Variants in XYLT1 observed in about 807,000 individuals in gnomAD.
XYLT1 encodes the protein xylosyltransferase 1.
In XYLT1, 36 loss-of-function variants were observed where a neutral mutation model predicts 91.3. The ratio of observed to expected loss-of-function variants is 0.39; its 90% CI spans 0.30 to 0.52. The LOEUF (loss-of-function observed/expected upper bound fraction) is 0.52, where lower values mean the gene tolerates loss of function less well. Ranked by LOEUF, XYLT1 falls within the 20% of genes least tolerant of loss-of-function variation. XYLT1 has a pLI of 0.68. For missense variants in XYLT1, 1,242 were observed against 1,284.5 expected (o/e 0.97, Z 0.51); for synonymous variants, 588 against 532.0 (o/e 1.11, Z -1.45).
At chr16:17,204,307 T>G (rs2032599677) in intron 3 of XYLT1, among the ~76,000 whole-genome samples, 1 of 152,200 alleles carries the variant, frequency 6.6e-6, no homozygotes, top group Non-Finnish European at 1.5e-5. Context: ...GCTTTTCTTT[T>G]GGAGAAAGGG....
intron 2 of XYLT1, among the ~76,000 whole-genome samples, chr16:17,265,608 C>T (rs760854693): frequency 2.0e-5 from 3 of 152,156 alleles, no homozygotes; most frequent in African/African-American, 7.2e-5. Context: ...TAATTAAATG[C>T]AATAATGTCC....
intron 1 of XYLT1, among the ~76,000 whole-genome samples, chr16:17,456,577 G>A (rs1229955387): frequency 6.6e-6 from 1 of 152,146 alleles, no homozygotes; most frequent in Non-Finnish European, 1.5e-5. Flanking sequence ...CTGGGCTCCA[G>A]CGATCTTCCC....
chr16:17,302,945 A>G (rs1027833197), intron 2 of XYLT1, among the ~76,000 whole-genome samples: 1 of 152,016 alleles, frequency 6.6e-6, no homozygotes, highest in Non-Finnish European at 1.5e-5. Flanking sequence ...GTGAGCACAC[A>G]TGTGACCGTG....
chr16:17,363,226 T>A (rs2035406984), intron 1 of XYLT1, among the ~76,000 whole-genome samples: 1 of 152,200 alleles, frequency 6.6e-6, no homozygotes, highest in Admixed American at 6.5e-5. Context: ...GCAGGCCTAG[T>A]AGTGCAGGAC....
chr16:17,201,615 C>T (rs2032544337), intron 3 of XYLT1, among the ~76,000 whole-genome samples: 1 of 151,944 alleles, frequency 6.6e-6, no homozygotes, highest in Non-Finnish European at 1.5e-5. Context: ...GCTGAGATTA[C>T]AGGCACGCAA....
intron 1 of XYLT1, among the ~76,000 whole-genome samples, chr16:17,465,706 T>C (rs2036887803): frequency 6.6e-6 from 1 of 152,190 alleles, no homozygotes; most frequent in African/African-American, 2.4e-5. Flanking sequence ...TTCATTCTAC[T>C]GCCTTGGATT....
In XYLT1 at chr16:17,404,105, G is replaced by A. The variant is rs557842325; in HGVS notation, c.364-46055C>T. 2.0e-4 allele frequency among the ~76,000 whole-genome samples: 30 copies of A among 152,250 alleles called. No individual in the cohort carries two copies. The South Asian group carries it at 6.2e-3, about 32-fold the overall frequency. The stretch of plus-strand genomic sequence containing the variant: ...TGTGTGTGTCTATGTGTGGTTGGGG[G>A]GGGGGCTCAGGGAGGAGGTGTGACA... On this transcript the variant is annotated intron_variant, in intron 1 of 11. Transcript: ENST00000261381.
At position 17,200,616 on chromosome 16, in the gene XYLT1, C is replaced by T. The variant is rs757513901; in HGVS notation, c.952G>A (p.Val318Met). The T allele has an allele frequency of 1.1e-5, 17 of 1,614,012 alleles. No homozygotes were observed. The highest frequency in any genetic ancestry group is 8.9e-5 in the East Asian group (4 of 44,892). ...ACCGGGTTGGCTGGCATGTACTCCA[C>T]GGAGTCCTCGTCCCACTGCACGTTC... is the stretch of plus-strand genomic sequence containing the variant. ...NKNVQWDEDSVEYMPANPVRI... is the reference protein window; with the variant it reads ...NKNVQWDEDSMEYMPANPVRI... The change falls in exon 4 of 12, where the codon GTG (valine) becomes ATG (methionine). Residue 318 changes from valine to methionine, a missense_variant. Around this residue, in one of 3 missense-constraint regions of XYLT1, gnomAD observed 294 missense variants for 376.0 expected, o/e 0.78. Coordinates refer to ENST00000261381, the MANE Select transcript of XYLT1 (RefSeq NM_022166.4).
intron 1 of XYLT1, among the ~76,000 whole-genome samples, chr16:17,427,854 G>C (rs1445180093): frequency 1.3e-5 from 2 of 150,190 alleles, no homozygotes; most frequent in African/African-American, 4.9e-5. Context: ...ACGTTCACCT[G>C]TCTACCACCT....
intron 3 of XYLT1, among the ~76,000 whole-genome samples, chr16:17,257,943 T>C (rs2033661651): frequency 2.0e-5 from 3 of 152,058 alleles, no homozygotes; most frequent in African/African-American, 7.2e-5. Context: ...TACCAAGAAA[T>C]ACACATCAAT....
At chr16:17,456,049 G>T (rs968830357) in intron 1 of XYLT1, among the ~76,000 whole-genome samples, 3 of 152,130 alleles carry the variant, frequency 2.0e-5, no homozygotes, top group Admixed American at 1.3e-4. Context: ...CGTGTCAGGT[G>T]CTACCTCTCT....
At chr16:17,149,333 C>G (rs1005679029) in intron 6 of XYLT1, among the ~76,000 whole-genome samples, 2 of 152,070 alleles carry the variant, frequency 1.3e-5, no homozygotes, top group Non-Finnish European at 2.9e-5. Flanking sequence ...TACAGCATGT[C>G]TGAGCAAGAA....
intron 2 of XYLT1, among the ~76,000 whole-genome samples, chr16:17,326,781 C>T (rs933877591): frequency 6.0e-5 from 9 of 151,158 alleles, no homozygotes; most frequent in Non-Finnish European, 1.3e-4. Flanking sequence ...GCCGAGATCG[C>T]GCCACTGCAC....
chr16:17,466,178 G>A (rs1419746250), intron 1 of XYLT1, among the ~76,000 whole-genome samples: 10 of 152,128 alleles, frequency 6.6e-5, no homozygotes, highest in South Asian at 2.1e-4. Context: ...ATCTGGGTCC[G>A]CAGAAATGGG....
intron 5 of XYLT1, among the ~76,000 whole-genome samples, chr16:17,173,035 T>TAACAAACA (rs34679721): frequency 0.029 from 4,370 of 151,160 alleles, 204 homozygotes; most frequent in African/African-American, 0.099. Flanking sequence ...AGTGCTTTAC[T>TAACAAACA]AACAAACAAA....
At chr16:17,266,563 G>A (rs2033808010) in intron 2 of XYLT1, among the ~76,000 whole-genome samples, 1 of 152,166 alleles carries the variant, frequency 6.6e-6, no homozygotes, top group South Asian at 2.1e-4. Context: ...AGGTCTGGAG[G>A]TCATGCCTTT....
At chr16:17,272,818 G>A (rs1043638602) in intron 2 of XYLT1, among the ~76,000 whole-genome samples, 9 of 152,162 alleles carry the variant, frequency 5.9e-5, no homozygotes, top group African/African-American at 7.2e-5. Flanking sequence ...AGGCTCTTCC[G>A]GGAGGCCTTC....
Position 17,312,149 on chromosome 16 carries a change from G to A in XYLT1, c.402+45863C>T, listed in dbSNP as rs1001433386. Among the ~76,000 whole-genome samples the A allele has an allele frequency of 9.2e-5, 14 of 152,102 alleles. No individual in the cohort carries two copies. Among genetic ancestry groups the A allele is most frequent in the African/African-American group, 3.4e-4 (14 of 41,408 alleles). On this transcript the variant is annotated intron_variant, in intron 2 of 11. Transcript: ENST00000261381. The surrounding 1 kb of genome is among the most constrained non-coding windows in gnomAD (Gnocchi z 4.4). ...GCTTGCCGACAGACAAGAGGAAGAG[G>A]GGCGTTCTAGACACACAGCACTGCC...
intron 1 of XYLT1, among the ~76,000 whole-genome samples, chr16:17,436,495 T>C (rs2036461164): frequency 6.6e-6 from 1 of 152,210 alleles, no homozygotes. Context: ...TGGCACATAG[T>C]ATGGGCCCAG....
Sources: gnomAD v4.1 joint callset for allele counts (sites outside exome capture counted in the v4.1 genomes callset) on GRCh38, gnomAD v4.1.1 for gene constraint, gnomAD v4.1.1 regional missense constraint, Gnocchi (gnomAD v3.1) non-coding constraint, MANE v1.5 for transcripts, NCBI Gene and HGNC (gene_info 2026-07-23, HGNC 2026-07-21) for gene names.